AP3B1: variants seen among roughly 807,000 people sequenced by gnomAD.
AP3B1 encodes the protein adaptor related protein complex 3 subunit beta 1, also known as AP-3 complex subunit beta-1.
AP3B1 carries 61 observed loss-of-function variants against 132.5 expected under a neutral mutation model. The ratio of observed to expected loss-of-function variants is 0.46; its 90% CI spans 0.37 to 0.57. The LOEUF (loss-of-function observed/expected upper bound fraction) is 0.57. Ranked by LOEUF, AP3B1 falls within the 20% of genes least tolerant of loss-of-function variation. The pLI is 0.00. For missense variants in AP3B1, 1,120 were observed against 1,289.4 expected (o/e 0.87, Z 2.01); for synonymous variants, 388 against 438.3 (o/e 0.89, Z 1.43).
intron 22 of AP3B1, among the ~76,000 whole-genome samples, chr5:78,040,191 C>A (rs1209783984): frequency 6.6e-6 from 1 of 151,850 alleles, no homozygotes; most frequent in Non-Finnish European, 1.5e-5. Context: ...TCTTCCAGAC[C>A]TTTGATGGTT....
At chr5:78,173,299 G>T (rs546071970) in intron 11 of AP3B1, among the ~76,000 whole-genome samples, 19 of 152,192 alleles carry the variant, frequency 1.2e-4, no homozygotes, top group Non-Finnish European at 2.5e-4. Context: ...TGAGTTCAAG[G>T]CCTGGATATC....
intron 17 of AP3B1, 84 bp downstream of exon 17, chr5:78,127,946 C>T: frequency 6.6e-7 from 1 of 1,522,482 alleles, no homozygotes; most frequent in Non-Finnish European, 9.0e-7. Flanking sequence ...TTTCAACTCT[C>T]CAAAAAAGCT....
At chr5:78,132,428 A>G (rs768274010) in intron 15 of AP3B1, among the ~76,000 whole-genome samples, 6 of 152,204 alleles carry the variant, frequency 3.9e-5, no homozygotes, top group Non-Finnish European at 7.4e-5. Context: ...ATTGAATGAA[A>G]AAAGTCTATT....
chr5:78,220,889 A>C (rs891450881), intron 6 of AP3B1, among the ~76,000 whole-genome samples: 2 of 151,946 alleles, frequency 1.3e-5, no homozygotes, highest in African/African-American at 4.8e-5. Flanking sequence ...TTTACAAAAA[A>C]TTTTTTTTAA....
chr5:78,187,708 T>C (rs970305360), intron 7 of AP3B1, among the ~76,000 whole-genome samples: 1 of 152,202 alleles, frequency 6.6e-6, no homozygotes, highest in African/African-American at 2.4e-5. Flanking sequence ...ACCATTGACA[T>C]TCTTCACAGA....
chr5:78,223,998 C>T lies in AP3B1; in HGVS notation c.603+1544G>A, dbSNP rs1746295835. On this transcript the variant is annotated intron_variant, in intron 6 of 26. Transcript: ENST00000255194. ...AAAACTCATTAAAATGACAGATCTGCTTCTTGTAGATCTTACTACTCTCCA... is the reference window on the plus strand; with the variant it reads ...AAAACTCATTAAAATGACAGATCTGTTTCTTGTAGATCTTACTACTCTCCA... Among the ~76,000 whole-genome samples, 3 of 152,106 alleles carry T rather than the reference C, an allele frequency of 2.0e-5. No homozygotes were observed. The South Asian group carries it at 6.2e-4, about 32-fold the overall frequency.
intron 14 of AP3B1, among the ~76,000 whole-genome samples, chr5:78,150,091 C>T (rs1753580567): frequency 6.6e-6 from 1 of 151,996 alleles, no homozygotes; most frequent in Non-Finnish European, 1.5e-5. Context: ...AAAAATGATC[C>T]CTCTGAAGAG....
At chr5:78,114,236 A>G (rs1751725580) in intron 18 of AP3B1, among the ~76,000 whole-genome samples, 1 of 152,124 alleles carries the variant, frequency 6.6e-6, no homozygotes, top group Admixed American at 6.6e-5. Flanking sequence ...TATGTCAAAA[A>G]CTTTCTTTTA....
At chr5:78,138,969 CA>C (rs34427836) in intron 15 of AP3B1, among the ~76,000 whole-genome samples, 85 of 39,466 alleles carry the variant, frequency 2.2e-3, no homozygotes, top group African/African-American at 6.4e-3. Flanking sequence ...AACTCTGTCT[CA>C]AAAAAAAAAA....
intron 24 of AP3B1, among the ~76,000 whole-genome samples, chr5:78,021,289 A>G (rs562483386): frequency 1.3e-5 from 2 of 152,230 alleles, no homozygotes; most frequent in South Asian, 2.1e-4. Context: ...TCTCATCTGC[A>G]AACTTGCTTT....
chr5:78,172,697 T>C (rs975107137), intron 11 of AP3B1, among the ~76,000 whole-genome samples: 2 of 152,246 alleles, frequency 1.3e-5, no homozygotes, highest in Admixed American at 1.3e-4. Context: ...CTGGATTCAT[T>C]GATTTTTCGA....
intron 22 of AP3B1, among the ~76,000 whole-genome samples, chr5:78,070,559 T>C (rs191216207): frequency 5.3e-5 from 8 of 151,522 alleles, no homozygotes; most frequent in Admixed American, 2.0e-4. Flanking sequence ...AATTGACAAA[T>C]GGGATTTAAT....
At chr5:78,237,469 C>CA (rs1450888904) in intron 3 of AP3B1, among the ~76,000 whole-genome samples, 20 of 151,256 alleles carry the variant, frequency 1.3e-4, no homozygotes, top group African/African-American at 4.6e-4. Flanking sequence ...AGTTCCCCCC[C>CA]AAAAAAAGCA....
At chr5:78,097,206 C>T in intron 21 of AP3B1, among the ~76,000 whole-genome samples, 1 of 125,384 alleles carries the variant, frequency 8.0e-6, no homozygotes, top group Non-Finnish European at 1.7e-5. Context: ...GCCCCTCTGC[C>T]CGGCCAGCCA....
chr5:78,271,228 C>T (rs557519261), intron 1 of AP3B1, among the ~76,000 whole-genome samples: 2 of 152,188 alleles, frequency 1.3e-5, no homozygotes, highest in African/African-American at 4.8e-5. Flanking sequence ...TTGAGACCAG[C>T]CTGACCAACA....
chr5:78,101,757 G>A (rs1439442544), intron 20 of AP3B1, among the ~76,000 whole-genome samples: 1 of 152,032 alleles, frequency 6.6e-6, no homozygotes, highest in Non-Finnish European at 1.5e-5. Flanking sequence ...AGCCTGAACT[G>A]TTCACAGTTT....
At chr5:78,183,523 C>A (rs1359865365) in intron 7 of AP3B1, among the ~76,000 whole-genome samples, 1 of 152,100 alleles carries the variant, frequency 6.6e-6, no homozygotes, top group African/African-American at 2.4e-5. Flanking sequence ...CTTCGATGAG[C>A]AATTGAGAAC....
intron 17 of AP3B1, 145 bp from the exon 18 acceptor site, chr5:78,116,379 T>C (rs1394301057): frequency 4.3e-6 from 3 of 691,754 alleles, no homozygotes; most frequent in African/African-American, 1.8e-5. Context: ...GTCCTGGCAT[T>C]AAGGCTGATT....
intron 11 of AP3B1, among the ~76,000 whole-genome samples, chr5:78,171,060 T>A (rs1424899971): frequency 2.0e-5 from 3 of 152,226 alleles, no homozygotes; most frequent in South Asian, 2.1e-4. Flanking sequence ...GTGGTGTTAT[T>A]TCTGAGACTT....
Sources: gnomAD v4.1 joint callset for allele counts (sites outside exome capture counted in the v4.1 genomes callset) on GRCh38, gnomAD v4.1.1 for gene constraint, MANE v1.5 for transcripts, NCBI Gene and HGNC (gene_info 2026-07-23, HGNC 2026-07-21) for gene names.